Variants in LRRC49 observed in about 807,000 individuals in gnomAD.
The protein encoded by LRRC49 is leucine rich repeat containing 49.
In LRRC49, 50 loss-of-function variants were observed where a neutral mutation model predicts 83.3. That is an observed-to-expected ratio of 0.60 (90% CI 0.48 to 0.76). The LOEUF (loss-of-function observed/expected upper bound fraction) is 0.76, where lower values mean the gene tolerates loss of function less well. Ranked by LOEUF, LRRC49 falls within the 30% of genes least tolerant of loss-of-function variation. The pLI, the probability that LRRC49 is intolerant of heterozygous loss-of-function variation, is 0.00. For synonymous variants in LRRC49, 286 were observed against 283.3 expected (o/e 1.01, Z -0.10); for missense variants, 704 against 809.1 (o/e 0.87, Z 1.58).
At chr15:70,981,081 A>C (rs1055004263) in intron 10 of LRRC49, among the ~76,000 whole-genome samples, 10 of 152,154 alleles carry the variant, frequency 6.6e-5, no homozygotes, top group African/African-American at 2.4e-4. Flanking sequence ...ATTTTTAGTA[A>C]GAGGAAAAGC....
chr15:71,011,866 G>C (rs2038663109), intron 13 of LRRC49, among the ~76,000 whole-genome samples: 1 of 152,132 alleles, frequency 6.6e-6, no homozygotes, highest in Non-Finnish European at 1.5e-5. Flanking sequence ...GAGTATTACA[G>C]ATAGTGTCAG....
intron 8 of LRRC49, among the ~76,000 whole-genome samples, chr15:70,955,514 C>T (rs1427061610): frequency 1.3e-5 from 2 of 152,160 alleles, no homozygotes; most frequent in Non-Finnish European, 2.9e-5. Flanking sequence ...CTCTTAGGGT[C>T]CCAGATTTAT....
At chr15:70,883,004 T>C (rs1452657004) in intron 2 of LRRC49, 5 of 1,299,164 alleles carry the variant, frequency 3.8e-6, no homozygotes, top group African/African-American at 1.5e-5. Flanking sequence ...TAGCTGAAAA[T>C]TTTCAGTCAC....
intron 9 of LRRC49, among the ~76,000 whole-genome samples, chr15:70,972,170 G>A (rs997320873): frequency 4.6e-5 from 7 of 152,070 alleles, no homozygotes; most frequent in African/African-American, 1.7e-4. Flanking sequence ...CTCTTGTAAG[G>A]CAGGCCTGGT....
chr15:71,035,525 T>C (rs2039491626), intron 14 of LRRC49, among the ~76,000 whole-genome samples: 1 of 152,086 alleles, frequency 6.6e-6, no homozygotes, highest in African/African-American at 2.4e-5. Flanking sequence ...GGCCCTGGTG[T>C]GTGATGTTCC....
intron 15 of LRRC49, among the ~76,000 whole-genome samples, chr15:71,044,101 G>C (rs1026450312): frequency 2.0e-5 from 3 of 152,138 alleles, no homozygotes; most frequent in African/African-American, 7.2e-5. Flanking sequence ...TTCCTATGTA[G>C]TCCAGATTTA....
At chr15:70,946,016 T>C (rs1025387433) in intron 8 of LRRC49, among the ~76,000 whole-genome samples, 21 of 152,210 alleles carry the variant, frequency 1.4e-4, no homozygotes, top group African/African-American at 4.1e-4. Context: ...TATATATATA[T>C]ACACACATTA....
chr15:70,989,268 G>T (rs942141446), intron 11 of LRRC49, among the ~76,000 whole-genome samples: 26 of 152,094 alleles, frequency 1.7e-4, no homozygotes, highest in Non-Finnish European at 3.5e-4. Flanking sequence ...TCACTTTCAG[G>T]TACACCAATC....
intron 8 of LRRC49, among the ~76,000 whole-genome samples, chr15:70,952,967 T>G (rs772013189): frequency 1.3e-5 from 2 of 152,224 alleles, no homozygotes; most frequent in Non-Finnish European, 2.9e-5. Context: ...CGTTTTTTGT[T>G]TCCTATTAGC....
chr15:71,019,300 C>G (rs2038922898), intron 14 of LRRC49, among the ~76,000 whole-genome samples: 1 of 152,132 alleles, frequency 6.6e-6, no homozygotes, highest in Non-Finnish European at 1.5e-5. Flanking sequence ...GGCTCACACA[C>G]CCCAGTTACC....
At chr15:70,976,914 T>A (rs1447887842) in intron 9 of LRRC49, among the ~76,000 whole-genome samples, 1 of 152,182 alleles carries the variant, frequency 6.6e-6, no homozygotes, top group Non-Finnish European at 1.5e-5. Context: ...ATAAATTCCT[T>A]AAAATATTCA....
intron 8 of LRRC49, among the ~76,000 whole-genome samples, chr15:70,945,286 A>G (rs1029287487): frequency 6.6e-6 from 1 of 152,198 alleles, no homozygotes; most frequent in African/African-American, 2.4e-5. Flanking sequence ...GTCTTCTCCC[A>G]AGGATCACAG....
rs954090494 is a variant in LRRC49, at chr15:70,873,020, G to T, written c.-186G>T. 2.4e-4 allele frequency: 142 copies of T among 601,886 alleles called. 2 individuals are homozygous for T. The highest frequency in any genetic ancestry group is 4.4e-4 in the Middle Eastern group (1 of 2,256). 37.3% of individuals were successfully genotyped at this position (601,886 alleles called of 1,614,324 possible). On this transcript the variant is annotated 5_prime_UTR_variant, in exon 2 of 17. Transcript: ENST00000544974. The stretch of plus-strand genomic sequence containing the variant: ...CTGCCTCAGCATCCCGAGTAGCTGG[G>T]ATTATAGGTGCCCGCCACCATGCCC...
intron 15 of LRRC49, chr15:71,048,934 C>G (rs865929709): frequency 2.3e-6 from 1 of 426,318 alleles, no homozygotes; most frequent in Non-Finnish European, 4.6e-6. Flanking sequence ...TGTAGTGTAC[C>G]ATTTTATGCT....
At chr15:71,042,983 C>G (rs1175639561) in intron 15 of LRRC49, among the ~76,000 whole-genome samples, 1 of 152,162 alleles carries the variant, frequency 6.6e-6, no homozygotes, top group Non-Finnish European at 1.5e-5. Context: ...CACCCTAGTG[C>G]AAAGGGCTCT....
At chr15:70,916,670 C>T (rs1459189917) in intron 6 of LRRC49, among the ~76,000 whole-genome samples, 6 of 152,168 alleles carry the variant, frequency 3.9e-5, no homozygotes, top group African/African-American at 9.6e-5. Flanking sequence ...AGCAGGGAGG[C>T]GTGGCTGGGG....
chr15:70,913,190 T>A (rs924690780), intron 6 of LRRC49, among the ~76,000 whole-genome samples: 2 of 152,370 alleles, frequency 1.3e-5, no homozygotes, highest in East Asian at 3.9e-4. Flanking sequence ...TGCCTGTTGA[T>A]GAACAAGATC....
At chr15:71,041,800 A>T (rs1189297010) in intron 15 of LRRC49, among the ~76,000 whole-genome samples, 1 of 152,158 alleles carries the variant, frequency 6.6e-6, no homozygotes, top group Non-Finnish European at 1.5e-5. Context: ...TAGCTACAAA[A>T]ACTCCAAAAA....
chr15:70,930,206 C>T lies in LRRC49; in HGVS notation c.712-6555C>T, dbSNP rs376641391. ...TTGAAAGTTGATATTACTCCTTGCT[C>T]CATGGACTGCAGAATGGATGTTGTG... On this transcript the variant is annotated intron_variant, in intron 7 of 15. Transcript: ENST00000260382. Among the ~76,000 whole-genome samples, 49 of 152,282 alleles carry T rather than the reference C, an allele frequency of 3.2e-4. 2 individuals are homozygous for T. The South Asian group carries it at 7.5e-3, about 23-fold the overall frequency.
Sources: gnomAD v4.1 joint callset for allele counts (sites outside exome capture counted in the v4.1 genomes callset) on GRCh38, gnomAD v4.1.1 for gene constraint, MANE v1.5 for transcripts, NCBI Gene and HGNC (gene_info 2026-07-23, HGNC 2026-07-21) for gene names.